The following FBLN2 variants were observed in gnomAD, a reference collection of about 807,000 sequenced individuals.
FBLN2 encodes fibulin-2.
Under a neutral mutation model 123.7 loss-of-function variants are expected in FBLN2, and 81 were observed. The observed-to-expected ratio is 0.65, with a 90% confidence interval of 0.55 to 0.79. FBLN2 has a LOEUF of 0.79. FBLN2 is among the 30% of genes least tolerant of loss of function. The pLI, the probability that FBLN2 is intolerant of heterozygous loss-of-function variation, is 0.00. For synonymous variants in FBLN2, 699 were observed against 701.4 expected, an observed-to-expected ratio of 1.00 and a Z score of 0.05; for missense variants, 1,603 against 1,681.3, an observed-to-expected ratio of 0.95 and a Z score of 0.81.
intron 1 of FBLN2, among the ~76,000 whole-genome samples, chr3:13,552,228 G>GT (rs1703343342): frequency 6.6e-6 from 1 of 151,760 alleles, no homozygotes; most frequent in South Asian, 2.1e-4. Context: ...GCAGCTGTGG[G>GT]GATCCATGCA....
intron 10 of FBLN2, 115 bp from the exon 11 acceptor site, chr3:13,627,717 G>A: frequency 7.5e-7 from 1 of 1,327,410 alleles, no homozygotes; most frequent in Non-Finnish European, 1.0e-6. Flanking sequence ...TTCCCAGGGA[G>A]ATCTTTGTGG....
chr3:13,594,426 C>T (rs1704778325), intron 2 of FBLN2, among the ~76,000 whole-genome samples: 1 of 152,194 alleles, frequency 6.6e-6, no homozygotes, highest in Non-Finnish European at 1.5e-5. Context: ...TCTCTCTGTG[C>T]TCAGACCCTG....
intron 2 of FBLN2, among the ~76,000 whole-genome samples, chr3:13,587,366 A>T (rs1704542970): frequency 6.6e-6 from 1 of 152,176 alleles, no homozygotes; most frequent in Non-Finnish European, 1.5e-5. Flanking sequence ...TTTAAACTAA[A>T]TTTAGTGTAG....
chr3:13,568,690 G>A (rs1249436816), intron 1 of FBLN2: 24 of 853,612 alleles, frequency 2.8e-5, no homozygotes, highest in Non-Finnish European at 3.2e-5. Context: ...CTCTTCCGCC[G>A]GACTGACACG....
At chr3:13,608,319 G>A (rs1393442578) in intron 3 of FBLN2, 146 bp downstream of exon 3, 5 of 639,522 alleles carry the variant, frequency 7.8e-6, no homozygotes, top group East Asian at 2.7e-5. Flanking sequence ...TGTGGCTGCC[G>A]TGCGCCATCT....
At chr3:13,557,894 G>A (rs1703504019) in intron 1 of FBLN2, among the ~76,000 whole-genome samples, 1 of 152,198 alleles carries the variant, frequency 6.6e-6, no homozygotes, top group African/African-American at 2.4e-5. Flanking sequence ...TCTGATCTCT[G>A]GGAGTCCAGA....
At chr3:13,619,083 G>A in intron 7 of FBLN2, 66 bp downstream of exon 7, 1 of 1,247,408 alleles carries the variant, frequency 8.0e-7, no homozygotes, top group Non-Finnish European at 1.1e-6. Context: ...TGGGCTGCTT[G>A]CAGGTGGTGA....
At chr3:13,596,263 A>G (rs1020988039) in intron 2 of FBLN2, among the ~76,000 whole-genome samples, 3 of 151,366 alleles carry the variant, frequency 2.0e-5, no homozygotes, top group Non-Finnish European at 4.4e-5. Context: ...TCAGCCTCCC[A>G]AGTAGTGGGG....
intron 11 of FBLN2, 120 bp from the exon 12 acceptor site, chr3:13,628,785 A>G (rs1706138518): frequency 3.3e-6 from 4 of 1,214,708 alleles, no homozygotes; most frequent in Non-Finnish European, 4.5e-6. Context: ...TGGCCCTGCA[A>G]CTCTGACCAG....
chr3:13,577,319 G>A (rs1574955707), intron 2 of FBLN2, among the ~76,000 whole-genome samples: 1 of 152,228 alleles, frequency 6.6e-6, no homozygotes, highest in East Asian at 1.9e-4. Context: ...GAAAGGGGAG[G>A]AGCGAGCCAC....
In FBLN2 at chr3:13,586,246, G is replaced by A. The variant is rs1017468015; in HGVS notation, c.1306+14585G>A. On this transcript the variant is annotated intron_variant, in intron 2 of 17. Coordinates refer to ENST00000404922, the MANE Select transcript of FBLN2 (RefSeq NM_001004019.2). ...GTCCCCTAGGCTGGAGTGCAGTGGC[G>A]TGATCTCAGCTCACTGCAACCTCTG... 2.6e-5 allele frequency among the ~76,000 whole-genome samples: 4 copies of A among 151,910 alleles called. No homozygotes were observed. In the South Asian group the frequency reaches 6.2e-4, roughly 24 times the overall value.
At chr3:13,598,823 G>A (rs1032578185) in intron 2 of FBLN2, among the ~76,000 whole-genome samples, 3 of 152,204 alleles carry the variant, frequency 2.0e-5, no homozygotes, top group Non-Finnish European at 4.4e-5. Context: ...CATGGTCGAA[G>A]GACATGAGTG....
intron 2 of FBLN2, among the ~76,000 whole-genome samples, chr3:13,581,200 G>T (rs1402841880): frequency 1.4e-5 from 2 of 146,872 alleles, no homozygotes; most frequent in East Asian, 4.2e-4. Flanking sequence ...ACGCGGGGAA[G>T]TCAGGGGCGG....
chr3:13,553,942 A>T (rs1703396631), intron 1 of FBLN2, among the ~76,000 whole-genome samples: 1 of 152,212 alleles, frequency 6.6e-6, no homozygotes, highest in Non-Finnish European at 1.5e-5. Flanking sequence ...GTTGCCCAGG[A>T]AGAGCCTTGA....
chr3:13,600,480 G>A (rs1363127155), intron 2 of FBLN2, among the ~76,000 whole-genome samples: 4 of 152,084 alleles, frequency 2.6e-5, no homozygotes, highest in Admixed American at 6.6e-5. Context: ...GCTGGTGATG[G>A]TTAGAGTCCC....
In FBLN2 at chr3:13,571,463, A is replaced by G. The variant is rs966993314; in HGVS notation, c.1108A>G (p.Thr370Ala). 5 of 1,613,082 alleles carry G rather than the reference A, an allele frequency of 3.1e-6. No individual in the cohort carries two copies. The highest frequency in any genetic ancestry group is 1.6e-4 in the Middle Eastern group (1 of 6,084). The change falls in exon 2 of 18, where the codon ACT becomes GCT. Residue 370 changes from threonine to alanine, a missense_variant. Transcript: ENST00000404922. The stretch of plus-strand genomic sequence containing the variant: ...CCTGGGCAAGGCTGCTCTCGTCCCA[A>G]CTCAGGCCGTGCCTGGCTCTCCCAG... The part of the protein sequence containing the change: ...PSLGKAALVP[T>A]QAVPGSPRDP...
At chr3:13,584,390 C>G (rs2124845451) in intron 2 of FBLN2, among the ~76,000 whole-genome samples, 1 of 152,182 alleles carries the variant, frequency 6.6e-6, no homozygotes, top group East Asian at 1.9e-4. Flanking sequence ...AGCCCTGACT[C>G]CAACCCAGGC....
intron 1 of FBLN2, chr3:13,566,364 A>C (rs1265784937): frequency 1.3e-5 from 2 of 152,320 alleles, no homozygotes; most frequent in Admixed American, 6.5e-5. Context: ...CTCTGGCGAT[A>C]GATAGGGAGC....
chr3:13,583,172 A>G (rs558882521), intron 2 of FBLN2, among the ~76,000 whole-genome samples: 1 of 152,364 alleles, frequency 6.6e-6, no homozygotes, highest in South Asian at 2.1e-4. Flanking sequence ...ACCCTCCTCT[A>G]CTGAGTCTGC....
Sources: allele counts gnomAD v4.1 joint callset (sites outside exome capture counted in the v4.1 genomes callset), GRCh38; gene constraint gnomAD v4.1.1; transcripts MANE v1.5; gene names NCBI Gene and HGNC (gene_info 2026-07-23, HGNC 2026-07-21).